The following CCNY variants were observed in gnomAD, a reference collection of about 807,000 sequenced individuals.
CCNY encodes cyclin-Y.
Under a neutral mutation model 42.8 loss-of-function variants are expected in CCNY, and 19 were observed. The ratio of observed to expected loss-of-function variants is 0.44; its 90% CI spans 0.31 to 0.65. The LOEUF is 0.65. CCNY is among the 30% of genes least tolerant of loss of function. The pLI, the probability that CCNY is intolerant of heterozygous loss-of-function variation, is 0.07. For synonymous variants in CCNY, 165 were observed against 162.7 expected (o/e 1.01, Z -0.11); for missense variants, 370 against 437.3 (o/e 0.85, Z 1.37).
chr10:35,565,654 C>T (rs955525106), intron 8 of CCNY, among the ~76,000 whole-genome samples: 56 of 152,332 alleles, frequency 3.7e-4, no homozygotes, highest in African/African-American at 1.3e-3. Flanking sequence ...TGGGCCCCTG[C>T]GGAAGGGCCC....
At chr10:35,289,840 C>G (rs1289156659) in intron 3 of CCNY, among the ~76,000 whole-genome samples, 1 of 145,126 alleles carries the variant, frequency 6.9e-6, no homozygotes, top group Non-Finnish European at 1.5e-5. Flanking sequence ...AATCACCCCA[C>G]TGCATTCCAG....
chr10:35,527,825 C>G (rs1273464062), intron 5 of CCNY, among the ~76,000 whole-genome samples: 5 of 152,192 alleles, frequency 3.3e-5, no homozygotes, highest in Admixed American at 6.5e-5. Flanking sequence ...CGCTCTCATA[C>G]TAGGCTGGCC....
chr10:35,568,181 A>C (rs1841609289), intron 9 of CCNY, among the ~76,000 whole-genome samples: 1 of 152,210 alleles, frequency 6.6e-6, no homozygotes, highest in South Asian at 2.1e-4. Context: ...CTGAGAGCAC[A>C]GGCCGAGGTT....
At chr10:35,507,390 A>G (rs1266008650) in intron 3 of CCNY, among the ~76,000 whole-genome samples, 2 of 152,178 alleles carry the variant, frequency 1.3e-5, no homozygotes, top group Admixed American at 6.5e-5. Flanking sequence ...CAGATTCATC[A>G]GTTTTAAACC....
intron 1 of CCNY, among the ~76,000 whole-genome samples, chr10:35,423,020 C>G (rs1838191156): frequency 6.6e-6 from 1 of 152,194 alleles, no homozygotes; most frequent in Non-Finnish European, 1.5e-5. Context: ...TGAAAAATCA[C>G]TTGATTTGTG....
At chr10:35,356,751 C>T (rs890419849) in intron 1 of CCNY, among the ~76,000 whole-genome samples, 6 of 152,132 alleles carry the variant, frequency 3.9e-5, no homozygotes, top group Non-Finnish European at 7.4e-5. Context: ...GTTTTTCTAG[C>T]TTCTTATTAT....
chr10:35,555,776 G>A (rs1303986588), intron 8 of CCNY, among the ~76,000 whole-genome samples: 1 of 152,122 alleles, frequency 6.6e-6, no homozygotes, highest in Non-Finnish European at 1.5e-5. Context: ...AAAACAGTTG[G>A]CCAGTGTTCA....
intron 7 of CCNY, among the ~76,000 whole-genome samples, chr10:35,534,813 A>G (rs1840846970): frequency 1.3e-5 from 2 of 152,088 alleles, no homozygotes; most frequent in Non-Finnish European, 2.9e-5. Context: ...TATTCTGAAC[A>G]TTTCATATCA....
chr10:35,393,069 G>C (rs1408762804), intron 1 of CCNY, among the ~76,000 whole-genome samples: 2 of 152,050 alleles, frequency 1.3e-5, no homozygotes, highest in Non-Finnish European at 2.9e-5. Context: ...TCTGCGCATT[G>C]GTGCTAAGTC....
At chr10:35,372,473 T>C (rs1479979901) in intron 1 of CCNY, among the ~76,000 whole-genome samples, 1 of 152,164 alleles carries the variant, frequency 6.6e-6, no homozygotes, top group Non-Finnish European at 1.5e-5. Context: ...ATGCATGAAG[T>C]GTGGCTCAGC....
At chr10:35,446,076 G>A (rs1367326446) in intron 1 of CCNY, among the ~76,000 whole-genome samples, 3 of 152,164 alleles carry the variant, frequency 2.0e-5, no homozygotes, top group East Asian at 1.9e-4. Context: ...GTGGTTATTT[G>A]TCTCACGGGA....
intron 1 of CCNY, among the ~76,000 whole-genome samples, chr10:35,478,064 A>G (rs1260007277): frequency 2.0e-5 from 3 of 149,412 alleles, no homozygotes; most frequent in Non-Finnish European, 3.0e-5. Flanking sequence ...TAAAATACCT[A>G]GGAATCCAAC....
chr10:35,293,214 C>A (rs1835435313), intron 3 of CCNY, among the ~76,000 whole-genome samples: 1 of 152,160 alleles, frequency 6.6e-6, no homozygotes, highest in Non-Finnish European at 1.5e-5. Context: ...GTTGTCCCAG[C>A]ACCATTTGTT....
At chr10:35,273,665 C>T (rs775444918) in intron 3 of CCNY, among the ~76,000 whole-genome samples, 12 of 151,962 alleles carry the variant, frequency 7.9e-5, no homozygotes, top group Non-Finnish European at 1.5e-4. Flanking sequence ...AGCGTCTCTG[C>T]CCACAGGGTT....
chr10:35,427,153 A>G (rs932748507), intron 1 of CCNY, among the ~76,000 whole-genome samples: 5 of 152,238 alleles, frequency 3.3e-5, no homozygotes, highest in African/African-American at 1.2e-4. Flanking sequence ...AAAATCTACC[A>G]TGTCAGCTGC....
At chr10:35,552,981 A>G (rs773996905) in intron 7 of CCNY, 38 bp from the exon 8 acceptor site, 4 of 1,596,038 alleles carry the variant, frequency 2.5e-6, no homozygotes, top group Middle Eastern at 1.7e-4. Context: ...TTAGGAGAAA[A>G]CAAATCACTT....
chr10:35,562,143 T>G (rs1841478865), intron 8 of CCNY, among the ~76,000 whole-genome samples: 1 of 152,226 alleles, frequency 6.6e-6, no homozygotes, highest in Non-Finnish European at 1.5e-5. Flanking sequence ...TGTTTTTGTT[T>G]TGCACTGTTC....
At chr10:35,566,829 C>T (rs1489564355) in intron 9 of CCNY, among the ~76,000 whole-genome samples, 1 of 151,970 alleles carries the variant, frequency 6.6e-6, no homozygotes, top group East Asian at 1.9e-4. Flanking sequence ...CCTCAGCCTC[C>T]CTAGTAGCTG....
At chr10:35,457,027 C>CG (rs372175433) in intron 1 of CCNY, among the ~76,000 whole-genome samples, 60 of 152,168 alleles carry the variant, frequency 3.9e-4, no homozygotes, top group Non-Finnish European at 5.6e-4. Flanking sequence ...TCTGAAAATG[C>CG]GGGGGGGAAA....
Sources: gnomAD v4.1 joint callset for allele counts (sites outside exome capture counted in the v4.1 genomes callset) on GRCh38, gnomAD v4.1.1 for gene constraint, MANE v1.5 for transcripts, NCBI Gene and HGNC (gene_info 2026-07-23, HGNC 2026-07-21) for gene names.